The following RNF150 variants were observed in gnomAD, a reference collection of about 807,000 sequenced individuals.
RNF150 encodes ring finger protein 150.
Under a neutral mutation model 39.3 loss-of-function variants are expected in RNF150, and 24 were observed. The ratio of observed to expected loss-of-function variants is 0.61; its 90% CI spans 0.44 to 0.86. The LOEUF (loss-of-function observed/expected upper bound fraction) is 0.86. RNF150 is among the 40% of genes least tolerant of loss of function. The probability of loss-of-function intolerance (pLI) is 0.00; values close to 1 mark genes in which losing one functional copy is unlikely to be tolerated. For synonymous variants in RNF150, 255 were observed against 227.3 expected, an observed-to-expected ratio of 1.12 and a Z score of -1.10; for missense variants, 502 against 587.8, an observed-to-expected ratio of 0.85 and a Z score of 1.51.
chr4:141,071,383 TA>T (rs149908004), intron 1 of RNF150, among the ~76,000 whole-genome samples: 3,237 of 150,732 alleles, frequency 0.021, 44 homozygotes, highest in South Asian at 0.039. Context: ...AAAGTATAAT[TA>T]AAAAAAAATG....
At chr4:141,211,048 C>T (rs9996068) in intron 1 of RNF150, among the ~76,000 whole-genome samples, 1 of 151,926 alleles carries the variant, frequency 6.6e-6, no homozygotes, top group Non-Finnish European at 1.5e-5. Context: ...GACTTCAGTA[C>T]TAAAGTTCTT....
At chr4:141,131,767 T>C (rs567179021) in intron 1 of RNF150, among the ~76,000 whole-genome samples, 6 of 152,280 alleles carry the variant, frequency 3.9e-5, no homozygotes, top group African/African-American at 1.4e-4. Flanking sequence ...ACCTGTCAGT[T>C]TCTCTGGATG....
At chr4:141,171,460 AAGAGAGAGAGAGAGAG>A (rs67118049) in intron 1 of RNF150, among the ~76,000 whole-genome samples, 4 of 148,820 alleles carry the variant, frequency 2.7e-5, no homozygotes, top group Non-Finnish European at 4.5e-5. Flanking sequence ...GACAGACAGA[AAGAGAGAGAGAGAGAG>A]AGAGAGAGAG....
intron 6 of RNF150, among the ~76,000 whole-genome samples, chr4:140,880,482 T>A (rs1429415334): frequency 1.3e-5 from 2 of 152,186 alleles, no homozygotes; most frequent in Admixed American, 1.3e-4. Context: ...TATCTTTGTC[T>A]GGATTTGGTA....
At chr4:141,014,636 CTTCTT>C (rs3034348) in intron 1 of RNF150, among the ~76,000 whole-genome samples, 103,682 of 151,576 alleles carry the variant, frequency 0.68, 37,808 homozygotes, top group Admixed American at 0.82. Context: ...ATTTGCAACT[CTTCTT>C]TTGAGAAATG....
At chr4:141,057,014 G>A (rs960334038) in intron 1 of RNF150, among the ~76,000 whole-genome samples, 6 of 152,100 alleles carry the variant, frequency 3.9e-5, no homozygotes, top group Admixed American at 3.3e-4. Flanking sequence ...CTAGCTGCAT[G>A]TTCTTTGCAA....
At chr4:140,888,163 T>C (rs755353245) in intron 6 of RNF150, among the ~76,000 whole-genome samples, 2 of 152,180 alleles carry the variant, frequency 1.3e-5, no homozygotes, top group African/African-American at 2.4e-5. Context: ...CTTTAGTTGG[T>C]TTGAAAGCAG....
intron 1 of RNF150, 36 bp from the exon 2 acceptor site, chr4:140,967,909 T>A: frequency 6.2e-7 from 1 of 1,600,882 alleles, no homozygotes; most frequent in South Asian, 1.1e-5. Flanking sequence ...CAATAAAGGT[T>A]AGGGGATAAG....
intron 4 of RNF150, among the ~76,000 whole-genome samples, chr4:140,944,163 T>C (rs1380389908): frequency 1.3e-5 from 2 of 152,148 alleles, no homozygotes; most frequent in African/African-American, 4.8e-5. Context: ...CAAGAGAAGA[T>C]AATAAAATGA....
intron 1 of RNF150, among the ~76,000 whole-genome samples, chr4:141,079,809 T>C (rs1738081133): frequency 6.6e-6 from 1 of 152,234 alleles, no homozygotes; most frequent in African/African-American, 2.4e-5. Context: ...CACTGTGTGG[T>C]AGCAGGCCGA....
intron 1 of RNF150, among the ~76,000 whole-genome samples, chr4:141,039,533 G>A (rs917578719): frequency 2.0e-5 from 3 of 152,112 alleles, no homozygotes; most frequent in Admixed American, 1.3e-4. Flanking sequence ...CATGGCAAAA[G>A]TGGGAATGTA....
intron 6 of RNF150, among the ~76,000 whole-genome samples, chr4:140,887,267 A>C (rs2111219017): frequency 6.6e-6 from 1 of 152,388 alleles, no homozygotes; most frequent in South Asian, 2.1e-4. Context: ...CCTCATCAGT[A>C]AAGTACTGAT....
At position 140,910,721 on chromosome 4, in the gene RNF150, G is replaced by GTA. The variant is rs1730564777; in HGVS notation, c.1198+421_1198+422dup. 2.0e-5 allele frequency among the ~76,000 whole-genome samples: 3 copies of GTA among 148,450 alleles called. No individual in the cohort carries two copies. In the South Asian group the frequency reaches 6.4e-4, roughly 32 times the overall value. On this transcript the variant is annotated intron_variant, in intron 6 of 6. Coordinates refer to ENST00000515673, the MANE Select transcript of RNF150 (RefSeq NM_020724.2). ...GGGGCTCCAGTGTGTGTGTGTGTGT[G>GTA]TACACACATGCGAGCATGCGCAGGT...
chr4:140,891,199 C>T (rs908083430), intron 6 of RNF150, among the ~76,000 whole-genome samples: 5 of 152,118 alleles, frequency 3.3e-5, no homozygotes, highest in Non-Finnish European at 7.3e-5. Flanking sequence ...ATTTTATCAC[C>T]ATCATCACCA....
chr4:140,906,475 T>C (rs1208160868), intron 6 of RNF150, among the ~76,000 whole-genome samples: 1 of 152,142 alleles, frequency 6.6e-6, no homozygotes, highest in East Asian at 1.9e-4. Context: ...CATTCTCAGA[T>C]TTTGGTATCT....
intron 5 of RNF150, among the ~76,000 whole-genome samples, chr4:140,912,798 C>T (rs1051131511): frequency 2.0e-5 from 3 of 152,128 alleles, no homozygotes; most frequent in South Asian, 2.1e-4. Context: ...TGTCAAAAGT[C>T]GATTCATAGA....
intron 1 of RNF150, among the ~76,000 whole-genome samples, chr4:141,184,692 G>A (rs1279070434): frequency 2.6e-5 from 4 of 152,164 alleles, no homozygotes; most frequent in Non-Finnish European, 5.9e-5. Flanking sequence ...AAGGTGTAAG[G>A]AAGGGGTCCA....
chr4:141,203,681 T>C (rs1038727499), intron 1 of RNF150, among the ~76,000 whole-genome samples: 5 of 152,134 alleles, frequency 3.3e-5, no homozygotes, highest in African/African-American at 1.2e-4. Flanking sequence ...GGAAGTTGTT[T>C]TGTTTCATCT....
intron 1 of RNF150, among the ~76,000 whole-genome samples, chr4:141,198,228 T>G (rs1318794677): frequency 6.6e-6 from 1 of 152,100 alleles, no homozygotes; most frequent in Non-Finnish European, 1.5e-5. Context: ...GGTTTCACCA[T>G]GTTGGCCAGG....
Sources: allele counts gnomAD v4.1 joint callset (sites outside exome capture counted in the v4.1 genomes callset), GRCh38; gene constraint gnomAD v4.1.1; transcripts MANE v1.5; gene names NCBI Gene and HGNC (gene_info 2026-07-23, HGNC 2026-07-21).